The following GNPTAB variants were observed in gnomAD, a reference collection of about 807,000 sequenced individuals.
GNPTAB encodes N-acetylglucosamine-1-phosphotransferase subunits alpha/beta.
GNPTAB carries 92 observed loss-of-function variants against 136.6 expected under a neutral mutation model. The ratio of observed to expected loss-of-function variants is 0.67; its 90% CI spans 0.57 to 0.80. The LOEUF (loss-of-function observed/expected upper bound fraction) is 0.80, where lower values mean the gene tolerates loss of function less well. Ranked by LOEUF, GNPTAB falls within the 30% of genes least tolerant of loss-of-function variation. The pLI is 0.00. For missense variants in GNPTAB, 1,343 were observed against 1,501.8 expected, an observed-to-expected ratio of 0.89 and a Z score of 1.75; for synonymous variants, 512 against 535.1, an observed-to-expected ratio of 0.96 and a Z score of 0.60.
At chr12:101,776,321 G>A (rs938041396) in intron 7 of GNPTAB, among the ~76,000 whole-genome samples, 19 of 152,186 alleles carry the variant, frequency 1.2e-4, no homozygotes, top group Admixed American at 9.2e-4. Context: ...AATAAGGACT[G>A]ATGATCTGAT....
At position 101,764,301 on chromosome 12, in the gene GNPTAB, A is replaced by C. The variant is rs1434083380; in HGVS notation, c.2616T>G (p.Val872=). 6.2e-7 allele frequency: 1 copy of C among 1,614,000 alleles called. No individual in the cohort carries two copies. The highest frequency in any genetic ancestry group is 8.5e-7 in the Non-Finnish European group (1 of 1,179,976). Residue 872 remains valine, a synonymous_variant, in exon 13 of 21, where the codon GTT becomes GTG. Coordinates refer to ENST00000299314, the MANE Select transcript of GNPTAB (RefSeq NM_024312.5). ...GCTTTCTTCCAAGTAACACTTCAGT[A>C]ACGCCTATGTGATTTTCAGCATTTT... is the stretch of plus-strand genomic sequence containing the variant. ...MEENAENHIG[V]TEVLLGRKLQ...
At position 101,830,612 on chromosome 12, in the gene GNPTAB, C is replaced by T. The variant is rs1448327145; in HGVS notation, c.64G>A (p.Val22Met). The T allele has an allele frequency of 4.3e-6, 7 of 1,613,022 alleles. No individual in the cohort carries two copies. The highest frequency in any genetic ancestry group is 1.3e-5 in the African/African-American group (1 of 74,872). The change falls in exon 1 of 21, where the codon GTG (valine) becomes ATG (methionine). Residue 22 changes from valine to methionine, a missense_variant. Transcript: ENST00000299314. ...TCLSHRYGLY[V>M]CFLGVVVTIV... ...GTGACAACGACGCCCAAGAAGCACACGTAGAGCCCATACCTGTGGGACAGG... is the reference window on the plus strand; with the variant it reads ...GTGACAACGACGCCCAAGAAGCACATGTAGAGCCCATACCTGTGGGACAGG...
chr12:101,826,144 A>G (rs1178819534), intron 1 of GNPTAB, among the ~76,000 whole-genome samples: 2 of 152,234 alleles, frequency 1.3e-5, no homozygotes, highest in Non-Finnish European at 2.9e-5. Context: ...CCAGTTTTCA[A>G]TTCTCCTTTT....
rs750643352 is a variant in GNPTAB, at chr12:101,768,116, T to C, written c.1329A>G (p.Pro443=). The C allele has an allele frequency of 6.8e-6, 11 of 1,614,138 alleles. No individual in the cohort carries two copies. Among genetic ancestry groups the C allele is most frequent in the Non-Finnish European group, 9.3e-6 (11 of 1,179,966 alleles). Residue 443 remains proline, a synonymous_variant, in exon 11 of 21, where the codon CCA becomes CCG. Coordinates refer to ENST00000299314, the MANE Select transcript of GNPTAB (RefSeq NM_024312.5). ...AATAGCCATCCTTAATCCAGGAACC[T>C]GGGCAGCCCTCGGCACAGTTTGGCA... The part of the protein sequence containing the change: ...WPVPNCAEGC[P]GSWIKDGYCD...
chr12:101,758,263 T>C (rs1952933450), intron 16 of GNPTAB, among the ~76,000 whole-genome samples: 2 of 152,244 alleles, frequency 1.3e-5, no homozygotes, highest in African/African-American at 4.8e-5. Flanking sequence ...GGTCTCGAAC[T>C]CCTGACCTCA....
chr12:101,762,895 T>C (rs1594212297), intron 13 of GNPTAB, among the ~76,000 whole-genome samples: 2 of 140,022 alleles, frequency 1.4e-5, no homozygotes, highest in South Asian at 4.6e-4. Flanking sequence ...ATAATGCTTT[T>C]GTAAATTTAA....
At chr12:101,823,439 G>A (rs1397328137) in intron 1 of GNPTAB, among the ~76,000 whole-genome samples, 1 of 151,856 alleles carries the variant, frequency 6.6e-6, no homozygotes, top group Non-Finnish European at 1.5e-5. Context: ...GTGTAACCCC[G>A]TCTCTACTAA....
intron 1 of GNPTAB, among the ~76,000 whole-genome samples, chr12:101,829,428 T>C (rs1331257105): frequency 6.6e-6 from 1 of 152,108 alleles, no homozygotes; most frequent in Non-Finnish European, 1.5e-5. Context: ...GAGGTTGCAA[T>C]GAGCCGAGAT....
chr12:101,796,227 C>T (rs1207561447), intron 2 of GNPTAB: 1 of 702,284 alleles, frequency 1.4e-6, no homozygotes, highest in Non-Finnish European at 2.6e-6. Flanking sequence ...GTTTCCTCAT[C>T]CTACAGGGGG....
intron 7 of GNPTAB, among the ~76,000 whole-genome samples, chr12:101,776,418 A>AC (rs1157989166): frequency 6.6e-6 from 1 of 152,366 alleles, no homozygotes; most frequent in East Asian, 1.9e-4. Flanking sequence ...TAAAGGACCC[A>AC]CCTCAAGGTA....
intron 16 of GNPTAB, among the ~76,000 whole-genome samples, chr12:101,758,536 A>G (rs144579320): frequency 6.6e-6 from 1 of 152,372 alleles, no homozygotes; most frequent in East Asian, 1.9e-4. Flanking sequence ...AGTTCCTTTA[A>G]GGCTGATACC....
rs1036893992 is a variant in GNPTAB, at chr12:101,814,133, T to C, written c.117+16426A>G. Among the ~76,000 whole-genome samples the C allele has an allele frequency of 5.0e-4, 76 of 151,416 alleles. 2 individuals are homozygous for C. The highest frequency in any genetic ancestry group is 1.8e-3 in the East Asian group (9 of 5,128). ...GGGCAACATGATGAAACACCATCTC[T>C]ACAAAAACTACAAAAATTAGCCAGG... is the stretch of plus-strand genomic sequence containing the variant. On this transcript the variant is annotated intron_variant, in intron 1 of 20. Coordinates refer to ENST00000299314, the MANE Select transcript of GNPTAB (RefSeq NM_024312.5).
chr12:101,760,190 T>A (rs1450426082), intron 15 of GNPTAB, 47 bp from the exon 16 acceptor site: 1 of 1,142,116 alleles, frequency 8.8e-7, no homozygotes, highest in African/African-American at 1.5e-5. Context: ...TTGTAAGTAA[T>A]GACTGTGGTT....
intron 13 of GNPTAB, among the ~76,000 whole-genome samples, chr12:101,762,325 A>C (rs1183408706): frequency 6.6e-6 from 1 of 152,230 alleles, no homozygotes; most frequent in Non-Finnish European, 1.5e-5. Context: ...TCTCAAACTG[A>C]TAAAAATAAA....
chr12:101,809,706 T>C (rs1289950536), intron 1 of GNPTAB, among the ~76,000 whole-genome samples: 2 of 152,078 alleles, frequency 1.3e-5, no homozygotes, highest in South Asian at 4.1e-4. Context: ...AAGGCCCAAC[T>C]ACAGACACAG....
At chr12:101,756,385 C>A in intron 18 of GNPTAB, 1 of 258,276 alleles carries the variant, frequency 3.9e-6, no homozygotes, top group Non-Finnish European at 7.8e-6. Flanking sequence ...TAAAGACCTC[C>A]AAATGCATTT....
At chr12:101,818,137 T>C (rs1421437995) in intron 1 of GNPTAB, among the ~76,000 whole-genome samples, 4 of 152,148 alleles carry the variant, frequency 2.6e-5, no homozygotes, top group African/African-American at 4.8e-5. Flanking sequence ...TAATGTCTCA[T>C]ATCCATACCT....
chr12:101,818,943 T>C (rs968626925), intron 1 of GNPTAB, among the ~76,000 whole-genome samples: 1 of 152,148 alleles, frequency 6.6e-6, no homozygotes, highest in Admixed American at 6.5e-5. Context: ...CCTTTGCTCC[T>C]CTTTCCCCTT....
At chr12:101,773,874 T>C (rs2137128904) in intron 7 of GNPTAB, 1 of 152,300 alleles carries the variant, frequency 6.6e-6, no homozygotes, top group Non-Finnish European at 1.5e-5. Context: ...GCTTGGGCAA[T>C]TGTGGGCAAC....
Sources: gnomAD v4.1 joint callset for allele counts (sites outside exome capture counted in the v4.1 genomes callset) on GRCh38, gnomAD v4.1.1 for gene constraint, MANE v1.5 for transcripts, NCBI Gene and HGNC (gene_info 2026-07-23, HGNC 2026-07-21) for gene names.